SORBS2: variants seen among roughly 807,000 people sequenced by gnomAD.
SORBS2 encodes sorbin and SH3 domain-containing protein 2.
SORBS2 carries 46 observed loss-of-function variants against 97.7 expected under a neutral mutation model. The observed-to-expected ratio is 0.47, with a 90% CI of 0.37 to 0.60. SORBS2 has a LOEUF of 0.60. Among genes scored for constraint, SORBS2 ranks in the 20% least tolerant of loss-of-function variants. The pLI is 0.00. For synonymous variants in SORBS2, 476 were observed against 473.4 expected, an observed-to-expected ratio of 1.01 and a Z score of -0.07; for missense variants, 1,316 against 1,282.3, an observed-to-expected ratio of 1.03 and a Z score of -0.40.
At chr4:185,908,292 T>TATATATATATTTGTATACACACAA (rs2099252408) in intron 1 of SORBS2, among the ~76,000 whole-genome samples, 1 of 66,798 alleles carries the variant, frequency 1.5e-5, no homozygotes, top group Admixed American at 1.7e-4. Context: ...TATATATATA[T>TATATATATATTTGTATACACACAA]ATATATATAT....
At chr4:185,702,166 G>A (rs2098272789) in intron 2 of SORBS2, among the ~76,000 whole-genome samples, 1 of 152,146 alleles carries the variant, frequency 6.6e-6, no homozygotes, top group African/African-American at 2.4e-5. Context: ...CTGAGGCTGG[G>A]TAATCTATAC....
chr4:185,804,141 A>T (rs954868131), intron 1 of SORBS2, among the ~76,000 whole-genome samples: 2 of 152,218 alleles, frequency 1.3e-5, no homozygotes, highest in Non-Finnish European at 2.9e-5. Flanking sequence ...GACCAAAAAC[A>T]AACAAACAAA....
At chr4:185,683,931 CT>C (rs1355359563) in intron 2 of SORBS2, among the ~76,000 whole-genome samples, 1 of 152,128 alleles carries the variant, frequency 6.6e-6, no homozygotes, top group Non-Finnish European at 1.5e-5. Flanking sequence ...TGCCCCATCC[CT>C]TTCTCACTTC....
At chr4:185,749,945 T>C (rs2098789417) in intron 2 of SORBS2, among the ~76,000 whole-genome samples, 1 of 152,248 alleles carries the variant, frequency 6.6e-6, no homozygotes. Flanking sequence ...TTTCCATCTA[T>C]AAACACCAAA....
chr4:185,600,701 C>G (rs909224892), intron 12 of SORBS2, among the ~76,000 whole-genome samples: 3 of 152,102 alleles, frequency 2.0e-5, no homozygotes, highest in Admixed American at 6.5e-5. Context: ...TCAAACCTGC[C>G]CTGCTTTTTC....
At chr4:185,868,155 C>CTTTTTT (rs1431293135) in intron 1 of SORBS2, among the ~76,000 whole-genome samples, 31 of 100,714 alleles carry the variant, frequency 3.1e-4, no homozygotes, top group Non-Finnish European at 4.1e-4. Context: ...TTCTTTTTTT[C>CTTTTTT]TTTCTTTTTT....
chr4:185,660,206 G>A (rs992934165), upstream of SORBS2, among the ~76,000 whole-genome samples: 3 of 152,088 alleles, frequency 2.0e-5, no homozygotes, highest in African/African-American at 7.2e-5. Context: ...TATTTTTGTT[G>A]TTGTTGTTGG....
At chr4:185,879,304 A>G (rs2099235654) in intron 1 of SORBS2, among the ~76,000 whole-genome samples, 1 of 151,738 alleles carries the variant, frequency 6.6e-6, no homozygotes, top group African/African-American at 2.4e-5. Flanking sequence ...TTTGCTGAGA[A>G]TGATGGTTTC....
intron 1 of SORBS2, among the ~76,000 whole-genome samples, chr4:185,865,047 C>G (rs1241174573): frequency 1.3e-5 from 2 of 152,150 alleles, no homozygotes; most frequent in Non-Finnish European, 2.9e-5. Flanking sequence ...CCTGCCCCGC[C>G]TGGTCCATAT....
At chr4:185,822,323 G>A (rs1585249794) in intron 1 of SORBS2, among the ~76,000 whole-genome samples, 2 of 152,206 alleles carry the variant, frequency 1.3e-5, no homozygotes, top group African/African-American at 4.8e-5. Flanking sequence ...AACAGGCCTG[G>A]AGCTCTGTAT....
intron 1 of SORBS2, among the ~76,000 whole-genome samples, chr4:185,816,069 C>A (rs973357900): frequency 3.3e-5 from 5 of 152,176 alleles, no homozygotes; most frequent in African/African-American, 1.2e-4. Context: ...GGAGGCTACT[C>A]TGGTAGAGAG....
chr4:185,731,505 C>T (rs371054180), intron 2 of SORBS2, among the ~76,000 whole-genome samples: 57 of 65,332 alleles, frequency 8.7e-4, no homozygotes, highest in South Asian at 1.4e-3. Flanking sequence ...TCTCTCCCTC[C>T]CTCCCTGCCT....
At chr4:185,594,696 A>T (rs2096042915) in intron 12 of SORBS2, among the ~76,000 whole-genome samples, 1 of 152,220 alleles carries the variant, frequency 6.6e-6, no homozygotes. Flanking sequence ...AAGCCTTAGC[A>T]TCCCATATAC....
At chr4:185,620,537 A>G (rs755669307) in intron 7 of SORBS2, among the ~76,000 whole-genome samples, 2 of 152,088 alleles carry the variant, frequency 1.3e-5, no homozygotes, top group Non-Finnish European at 2.9e-5. Context: ...TTTACAGAGG[A>G]TGGAGAATTT....
At chr4:185,854,991 T>G (rs1360337562) in intron 1 of SORBS2, among the ~76,000 whole-genome samples, 1 of 152,178 alleles carries the variant, frequency 6.6e-6, no homozygotes, top group African/African-American at 2.4e-5. Flanking sequence ...GAAGACATCA[T>G]AAAGACAATA....
chr4:185,915,951 C>G (rs2099257922), intron 1 of SORBS2, among the ~76,000 whole-genome samples: 1 of 152,094 alleles, frequency 6.6e-6, no homozygotes, highest in African/African-American at 2.4e-5. Flanking sequence ...CATAAGGAGG[C>G]TGGAGGAAGA....
intron 2 of SORBS2, among the ~76,000 whole-genome samples, chr4:185,683,218 G>A (rs2153506856): frequency 7.4e-6 from 1 of 135,522 alleles, no homozygotes; most frequent in South Asian, 2.3e-4. Context: ...TATTCCTAAA[G>A]TGTGAAATGT....
Position 185,619,521 on chromosome 4 carries a change from G to T in SORBS2, c.2304+542C>A, listed in dbSNP as rs1320350664. Among the ~76,000 whole-genome samples the T allele has an allele frequency of 3.9e-5, 6 of 152,342 alleles. No individual in the cohort carries two copies. In the East Asian group the frequency reaches 7.7e-4, roughly 20 times the overall value. Reference sequence around the variant, plus strand: ...CATGGCTCCAAGGCAGTTTGAGCAAGAACTCTAGCCCCGGCTCAGGGCCCT... The same window carrying T: ...CATGGCTCCAAGGCAGTTTGAGCAATAACTCTAGCCCCGGCTCAGGGCCCT... On this transcript the variant is annotated intron_variant, in intron 8 of 14. Coordinates refer to ENST00000418609, the Ensembl canonical transcript of SORBS2.
At chr4:185,628,832 C>T (rs1188822688) in intron 5 of SORBS2, among the ~76,000 whole-genome samples, 1 of 152,204 alleles carries the variant, frequency 6.6e-6, no homozygotes, top group Non-Finnish European at 1.5e-5. Flanking sequence ...GCATAAAATA[C>T]TGTCAATAGT....
Sources: gnomAD v4.1 joint callset for allele counts (sites outside exome capture counted in the v4.1 genomes callset) on GRCh38, gnomAD v4.1.1 for gene constraint, MANE v1.5 for transcripts, NCBI Gene and HGNC (gene_info 2026-07-23, HGNC 2026-07-21) for gene names.